Variants in ARHGAP31 observed in about 807,000 individuals in gnomAD.
The protein encoded by ARHGAP31 is Rho GTPase activating protein 31, also known as rho GTPase-activating protein 31.
In ARHGAP31, 34 loss-of-function variants were observed where a neutral mutation model predicts 113.9. That is an observed-to-expected ratio of 0.30 (90% CI 0.23 to 0.40). ARHGAP31 has a LOEUF of 0.40. ARHGAP31 is among the 10% of genes least tolerant of loss of function. The pLI, the probability that ARHGAP31 is intolerant of heterozygous loss-of-function variation, is 1.00. For synonymous variants in ARHGAP31, 650 were observed against 684.8 expected, an observed-to-expected ratio of 0.95 and a Z score of 0.79; for missense variants, 1,548 against 1,767.1, an observed-to-expected ratio of 0.88 and a Z score of 2.22.
chr3:119,378,728 T>C (rs2080370612), intron 3 of ARHGAP31, among the ~76,000 whole-genome samples: 1 of 151,944 alleles, frequency 6.6e-6, no homozygotes, highest in South Asian at 2.1e-4. Context: ...AGCTCCCCAT[T>C]GTGAGGTTCT....
At chr3:119,315,807 T>C (rs1275596398) in intron 1 of ARHGAP31, among the ~76,000 whole-genome samples, 1 of 152,152 alleles carries the variant, frequency 6.6e-6, no homozygotes, top group Admixed American at 6.5e-5. Flanking sequence ...TGAAACAAAT[T>C]TTATTTGGTT....
At chr3:119,310,255 C>T (rs2079667884) in intron 1 of ARHGAP31, among the ~76,000 whole-genome samples, 1 of 152,218 alleles carries the variant, frequency 6.6e-6, no homozygotes, top group African/African-American at 2.4e-5. Flanking sequence ...CAGTTAGGGA[C>T]TTGGCCTGGA....
chr3:119,378,698 C>T (rs1050766324), intron 3 of ARHGAP31, among the ~76,000 whole-genome samples: 2 of 152,184 alleles, frequency 1.3e-5, no homozygotes, highest in Non-Finnish European at 2.9e-5. Flanking sequence ...GGCTTCTCTC[C>T]CTTGGCTCCC....
intron 6 of ARHGAP31, among the ~76,000 whole-genome samples, chr3:119,385,015 C>T (rs1401856216): frequency 6.6e-6 from 1 of 151,582 alleles, no homozygotes; most frequent in African/African-American, 2.4e-5. Flanking sequence ...ACCTCTGCCT[C>T]CCAGATTCAA....
intron 1 of ARHGAP31, among the ~76,000 whole-genome samples, chr3:119,305,921 TTTCCCCCCTC>T (rs1198602743): frequency 6.6e-6 from 1 of 152,156 alleles, no homozygotes; most frequent in Non-Finnish European, 1.5e-5. Flanking sequence ...AACGTCCTGT[TTTCCCCCCTC>T]CTAAGCCTGA....
At chr3:119,401,397 G>A (rs138167565) in intron 9 of ARHGAP31, among the ~76,000 whole-genome samples, 292 of 152,224 alleles carry the variant, frequency 1.9e-3, no homozygotes, top group African/African-American at 6.7e-3. Flanking sequence ...TCTAAAATAA[G>A]ACAAGATTCT....
At chr3:119,323,856 A>G (rs1428121209) in intron 1 of ARHGAP31, among the ~76,000 whole-genome samples, 1 of 152,202 alleles carries the variant, frequency 6.6e-6, no homozygotes, top group Non-Finnish European at 1.5e-5. Flanking sequence ...CCCTCCTCGC[A>G]TCTCAGTCGC....
chr3:119,412,998 A>G (rs2080729727), intron 11 of ARHGAP31, among the ~76,000 whole-genome samples: 1 of 151,098 alleles, frequency 6.6e-6, no homozygotes, highest in South Asian at 2.1e-4. Context: ...ATCCAGGGCA[A>G]TAGAGCGAGA....
Position 119,380,985 on chromosome 3 carries a change from A to G in ARHGAP31, c.430A>G (p.Arg144Gly). 6.2e-7 allele frequency: 1 copy of G among 1,613,948 alleles called. No homozygotes were observed. The highest frequency in any genetic ancestry group is 8.5e-7 in the Non-Finnish European group (1 of 1,179,806). ...VIQELPPSHY[R>G]TLEYLIRHLA... is the part of the protein sequence containing the mutation. ...CCAGGAGCTTCCTCCATCCCACTAT[A>G]GGTAAGAATGGTTGGGAAAAGAAAC... The change falls in exon 4 of 12, where the codon AGG becomes GGG. Residue 144 changes from arginine to glycine, a missense_variant and splice_region_variant. Physicochemically the swap from Arg to Gly is moderately radical, Grantham distance 125 (BLOSUM62 -2). Coordinates refer to ENST00000264245, the MANE Select transcript of ARHGAP31 (RefSeq NM_020754.4).
At chr3:119,413,755 C>CTG (rs1559998135) in intron 11 of ARHGAP31, 101 bp from the exon 12 acceptor site, 7 of 1,542,276 alleles carry the variant, frequency 4.5e-6, no homozygotes, top group Non-Finnish European at 6.3e-6. Flanking sequence ...GCTGAACTGG[C>CTG]ACAGGCTGGT....
chr3:119,348,138 ACAAT>A (rs913677854), intron 1 of ARHGAP31, among the ~76,000 whole-genome samples: 1 of 152,224 alleles, frequency 6.6e-6, no homozygotes, highest in Non-Finnish European at 1.5e-5. Flanking sequence ...GAGCCTGAAC[ACAAT>A]CATGAACTGC....
intron 1 of ARHGAP31, among the ~76,000 whole-genome samples, chr3:119,359,393 C>T (rs1196142533): frequency 1.3e-5 from 2 of 151,446 alleles, no homozygotes; most frequent in East Asian, 1.9e-4. Flanking sequence ...CAAGCCAAAG[C>T]CTCAACATAT....
At chr3:119,362,205 GTCC>G (rs1006499643) in intron 1 of ARHGAP31, among the ~76,000 whole-genome samples, 16 of 152,148 alleles carry the variant, frequency 1.1e-4, no homozygotes, top group African/African-American at 3.4e-4. Context: ...TTGTGCTTGA[GTCC>G]TCCTTGTGAG....
chr3:119,365,562 A>G, intron 2 of ARHGAP31, 144 bp downstream of exon 2: 1 of 750,880 alleles, frequency 1.3e-6, no homozygotes, highest in Non-Finnish European at 2.3e-6. Context: ...AGTGGTTTTC[A>G]GATGCCTGAC....
chr3:119,337,029 T>C (rs933153546), intron 1 of ARHGAP31, among the ~76,000 whole-genome samples: 20 of 152,266 alleles, frequency 1.3e-4, no homozygotes, highest in African/African-American at 4.8e-4. Context: ...TCTATGGATA[T>C]ACCACAGTTT....
At chr3:119,412,999 T>C (rs1362717611) in intron 11 of ARHGAP31, among the ~76,000 whole-genome samples, 2 of 149,818 alleles carry the variant, frequency 1.3e-5, no homozygotes, top group Non-Finnish European at 3.0e-5. Context: ...TCCAGGGCAA[T>C]AGAGCGAGAC....
chr3:119,406,664 C>A (rs1432624196), intron 10 of ARHGAP31, among the ~76,000 whole-genome samples: 2 of 152,164 alleles, frequency 1.3e-5, no homozygotes, highest in Non-Finnish European at 2.9e-5. Flanking sequence ...GTCTGCCTTG[C>A]GTTTCTGGTT....
intron 1 of ARHGAP31, among the ~76,000 whole-genome samples, chr3:119,350,441 C>T (rs142331362): frequency 2.0e-5 from 3 of 152,238 alleles, no homozygotes; most frequent in East Asian, 1.9e-4. Context: ...CCCCATCTCC[C>T]GTCAGTAAAA....
At chr3:119,408,125 A>G (rs577211468) in intron 10 of ARHGAP31, among the ~76,000 whole-genome samples, 16 of 152,204 alleles carry the variant, frequency 1.1e-4, no homozygotes, top group Non-Finnish European at 7.3e-5. Flanking sequence ...TGCATAGGTT[A>G]TATGCAAATA....
Sources: gnomAD v4.1 joint callset for allele counts (sites outside exome capture counted in the v4.1 genomes callset) on GRCh38, gnomAD v4.1.1 for gene constraint, MANE v1.5 for transcripts, NCBI Gene and HGNC (gene_info 2026-07-23, HGNC 2026-07-21) for gene names.